The following PDCD10 variants were observed in gnomAD, a reference collection of about 807,000 sequenced individuals.
PDCD10 encodes the protein programmed cell death 10, also known as programmed cell death protein 10.
In PDCD10, 4 loss-of-function variants were observed where a neutral mutation model predicts 29.2. That is an observed-to-expected ratio of 0.14 (90% confidence interval 0.07 to 0.31). The LOEUF (loss-of-function observed/expected upper bound fraction) is 0.31. Among genes scored for constraint, PDCD10 ranks in the 10% least tolerant of loss-of-function variants. The probability of loss-of-function intolerance (pLI) is 1.00; values close to 1 mark genes in which losing one functional copy is unlikely to be tolerated. For missense variants in PDCD10, 183 were observed against 257.9 expected (o/e 0.71, Z 1.99); for synonymous variants, 70 against 82.2 (o/e 0.85, Z 0.80).
chr3:167,714,291 G>A (rs1266049820), intron 3 of PDCD10, among the ~76,000 whole-genome samples: 1 of 152,044 alleles, frequency 6.6e-6, no homozygotes, highest in African/African-American at 2.4e-5. Flanking sequence ...AACATCATAT[G>A]ATCATTTCAG....
chr3:167,687,189 T>C (rs551366570), intron 8 of PDCD10, 45 bp downstream of exon 8: 2 of 983,470 alleles, frequency 2.0e-6, no homozygotes, highest in Admixed American at 1.8e-5. Context: ...TAAAACCACA[T>C]AATCTATTTA....
intron 3 of PDCD10, among the ~76,000 whole-genome samples, chr3:167,714,518 G>A (rs1722820378): frequency 6.6e-6 from 1 of 152,008 alleles, no homozygotes; most frequent in Non-Finnish European, 1.5e-5. Context: ...CTTGTTTGTA[G>A]ATGATATGAT....
At chr3:167,725,777 A>ATATATATG (rs1724083434) in intron 2 of PDCD10, among the ~76,000 whole-genome samples, 1 of 53,746 alleles carries the variant, frequency 1.9e-5, no homozygotes, top group Non-Finnish European at 3.8e-5. Flanking sequence ...ATATATATAT[A>ATATATATG]TATATATATA....
chr3:167,715,596 C>A (rs746933831), intron 3 of PDCD10, among the ~76,000 whole-genome samples: 24 of 151,858 alleles, frequency 1.6e-4, no homozygotes, highest in Non-Finnish European at 7.4e-5. Context: ...TTAAAATGGG[C>A]TAAAGATCTG....
intron 6 of PDCD10, among the ~76,000 whole-genome samples, chr3:167,692,576 A>G (rs1184159019): frequency 6.6e-6 from 1 of 152,210 alleles, no homozygotes; most frequent in Non-Finnish European, 1.5e-5. Flanking sequence ...TCCTTCACAT[A>G]TTAAAAGTAG....
At chr3:167,733,178 A>G (rs1414207048) in intron 2 of PDCD10, among the ~76,000 whole-genome samples, 3 of 152,010 alleles carry the variant, frequency 2.0e-5, no homozygotes, top group Non-Finnish European at 2.9e-5. Flanking sequence ...TCTGATGATC[A>G]ACTTATATAT....
chr3:167,693,741 G>C (rs1720502560), intron 6 of PDCD10, among the ~76,000 whole-genome samples: 1 of 151,662 alleles, frequency 6.6e-6, no homozygotes. Flanking sequence ...TCAGAGGTTA[G>C]AGACCAGCTT....
Position 167,688,927 on chromosome 3 carries a change from A to G in PDCD10, c.396-1234T>C, listed in dbSNP as rs1719936413. Among the ~76,000 whole-genome samples, 4 of 152,210 alleles carry G rather than the reference A, an allele frequency of 2.6e-5. No homozygotes were observed. In the South Asian group the frequency reaches 8.3e-4, roughly 31 times the overall value. On this transcript the variant is annotated intron_variant, in intron 6 of 8. Coordinates refer to ENST00000392750, the MANE Select transcript of PDCD10 (RefSeq NM_007217.4). ...CATATTTTTCAGTAAATAAGCTTGT[A>G]GAAATTTTAAGAATTAAAAGCATAC...
intron 3 of PDCD10, among the ~76,000 whole-genome samples, chr3:167,714,892 T>C (rs145345252): frequency 0.011 from 1,605 of 152,018 alleles, 11 homozygotes; most frequent in Middle Eastern, 0.027. Context: ...ATGTAATCCC[T>C]AGCAAAACAC....
At chr3:167,696,965 A>T (rs1191251047) in intron 5 of PDCD10, 44 bp downstream of exon 5, 1 of 962,740 alleles carries the variant, frequency 1.0e-6, no homozygotes, top group East Asian at 2.4e-5. Context: ...AGGAAGTGCT[A>T]TTTAACAATT....
intron 4 of PDCD10, among the ~76,000 whole-genome samples, chr3:167,702,078 G>A (rs1721499827): frequency 6.6e-6 from 1 of 152,152 alleles, no homozygotes; most frequent in Non-Finnish European, 1.5e-5. Context: ...TCTGATACAA[G>A]CACTGAAACT....
chr3:167,713,407 C>G (rs1274744062), intron 3 of PDCD10, among the ~76,000 whole-genome samples: 1 of 151,666 alleles, frequency 6.6e-6, no homozygotes, highest in Admixed American at 6.6e-5. Context: ...CACAACATAC[C>G]AAAACCTATG....
At position 167,695,583 on chromosome 3, in the gene PDCD10, A is replaced by T; in HGVS notation, c.395+13T>A. On this transcript the variant is annotated intron_variant, in intron 6 of 8. Coordinates refer to ENST00000392750, the MANE Select transcript of PDCD10 (RefSeq NM_007217.4). ...TTTTAAGAAAAGAAGAAACAAAACA[A>T]ATAATTGCTTACTTGATTGTCTGCA... 1 of 1,611,960 alleles carries T rather than the reference A, an allele frequency of 6.2e-7. No individual in the cohort carries two copies. Among genetic ancestry groups the T allele is most frequent in the East Asian group, 2.2e-5 (1 of 44,846 alleles).
chr3:167,708,050 T>C (rs781379233), intron 3 of PDCD10, among the ~76,000 whole-genome samples: 2 of 152,210 alleles, frequency 1.3e-5, no homozygotes, highest in Admixed American at 6.5e-5. Flanking sequence ...TACTGTTTTG[T>C]GAACTCCTTC....
intron 8 of PDCD10, 95 bp from the exon 9 acceptor site, chr3:167,684,484 G>GAAAA: frequency 1.9e-6 from 1 of 517,334 alleles, no homozygotes; most frequent in Non-Finnish European, 3.5e-6. Context: ...ATCAATTTTA[G>GAAAA]AAAAAAAAAA....
At chr3:167,731,433 A>G (rs751384011) in intron 2 of PDCD10, among the ~76,000 whole-genome samples, 8 of 152,224 alleles carry the variant, frequency 5.3e-5, no homozygotes, top group Non-Finnish European at 1.0e-4. Flanking sequence ...CACAATTTAT[A>G]TTAAAATTCT....
chr3:167,685,595 AAGT>A (rs762865310), intron 8 of PDCD10, among the ~76,000 whole-genome samples: 9 of 152,084 alleles, frequency 5.9e-5, no homozygotes, highest in African/African-American at 1.4e-4. Flanking sequence ...AATGGAGAGA[AAGT>A]AGTAGCAACG....
chr3:167,685,913 A>G (rs887265067), intron 8 of PDCD10, among the ~76,000 whole-genome samples: 1 of 152,218 alleles, frequency 6.6e-6, no homozygotes, highest in African/African-American at 2.4e-5. Flanking sequence ...TTAGCTCGAT[A>G]TCTCTAATTC....
chr3:167,729,905 T>C (rs1429709669), intron 2 of PDCD10, among the ~76,000 whole-genome samples: 1 of 152,184 alleles, frequency 6.6e-6, no homozygotes, highest in Non-Finnish European at 1.5e-5. Context: ...AAAATTCTTT[T>C]CTTTTTCTTT....
Sources: allele counts gnomAD v4.1 joint callset (sites outside exome capture counted in the v4.1 genomes callset), GRCh38; gene constraint gnomAD v4.1.1; transcripts MANE v1.5; gene names NCBI Gene and HGNC (gene_info 2026-07-23, HGNC 2026-07-21).